BEAN1: variants seen among roughly 807,000 people sequenced by gnomAD.
The protein encoded by BEAN1 is protein BEAN1.
BEAN1 carries 17 observed loss-of-function variants against 17.7 expected under a neutral mutation model. The observed-to-expected ratio is 0.96, with a 90% CI of 0.66 to 1.44. The LOEUF (loss-of-function observed/expected upper bound fraction) is 1.44. BEAN1 is among the 40% of genes most tolerant of loss of function. The pLI is 0.00. For missense variants in BEAN1, 359 were observed against 374.1 expected, an observed-to-expected ratio of 0.96 and a Z score of 0.33; for synonymous variants, 142 against 151.8, an observed-to-expected ratio of 0.94 and a Z score of 0.47.
At chr16:66,429,008 C>T (rs1961691218) in intron 1 of BEAN1, among the ~76,000 whole-genome samples, 2 of 152,172 alleles carry the variant, frequency 1.3e-5, no homozygotes, top group South Asian at 4.1e-4. Context: ...CCTCCTTGCC[C>T]TTAGCTGATG....
At chr16:66,493,076 G>T in exon 5 of BEAN1, 1 of 702,968 alleles carries the variant, frequency 1.4e-6, no homozygotes, top group Non-Finnish European at 2.6e-6. Context: ...GTTCTCACTG[G>T]TCCAGGCCAT....
intron 2 of BEAN1, among the ~76,000 whole-genome samples, chr16:66,468,740 T>A (rs1055031246): frequency 1.6e-4 from 25 of 152,206 alleles, no homozygotes; most frequent in Admixed American, 3.3e-4. Flanking sequence ...CGGAGCTGAC[T>A]GTCCACGTGA....
At chr16:66,494,442 G>A (rs139652152), downstream of BEAN1, among the ~76,000 whole-genome samples, 3 of 152,252 alleles carry the variant, frequency 2.0e-5, no homozygotes, top group Non-Finnish European at 4.4e-5. Flanking sequence ...AGTTAGTGAG[G>A]TGAGGTGTGC....
intron 3 of BEAN1, chr16:66,476,188 C>T (rs1266373123): frequency 6.6e-6 from 1 of 151,620 alleles, no homozygotes; most frequent in Non-Finnish European, 1.5e-5. Context: ...GACAGGGCCA[C>T]CATCAACGTG....
intron 2 of BEAN1, among the ~76,000 whole-genome samples, chr16:66,438,789 C>G (rs1279657304): frequency 6.6e-6 from 1 of 152,102 alleles, no homozygotes; most frequent in East Asian, 1.9e-4. Context: ...TGCTTTCTTC[C>G]ATGATGTTCC....
chr16:66,457,042 G>C (rs1962895452), intron 2 of BEAN1, among the ~76,000 whole-genome samples: 1 of 152,244 alleles, frequency 6.6e-6, no homozygotes, highest in African/African-American at 2.4e-5. Context: ...TAAACAGATG[G>C]AAGCAGAGGT....
At chr16:66,491,088 G>C (rs999979650) in intron 4 of BEAN1, among the ~76,000 whole-genome samples, 1 of 152,186 alleles carries the variant, frequency 6.6e-6, no homozygotes, top group Non-Finnish European at 1.5e-5. Context: ...CTCTGGGTGA[G>C]ACCCTCCTGG....
At chr16:66,431,074 A>G (rs1961778278) in intron 1 of BEAN1, among the ~76,000 whole-genome samples, 1 of 152,258 alleles carries the variant, frequency 6.6e-6, no homozygotes, top group African/African-American at 2.4e-5. Context: ...TAGTATTATA[A>G]TAAAGCTTAT....
chr16:66,488,179 A>C (rs1964114688), intron 4 of BEAN1, among the ~76,000 whole-genome samples: 1 of 151,106 alleles, frequency 6.6e-6, no homozygotes, highest in Admixed American at 6.6e-5. Flanking sequence ...GAATGAATGT[A>C]GTTAGTAAGC....
chr16:66,482,990 G>A (rs1327672582), downstream of BEAN1: 2 of 435,744 alleles, frequency 4.6e-6, no homozygotes, highest in Non-Finnish European at 9.1e-6. Flanking sequence ...CTAAGCAGCT[G>A]GGACTACAGG....
intron 4 of BEAN1, among the ~76,000 whole-genome samples, chr16:66,491,721 A>T (rs1029694343): frequency 6.6e-6 from 1 of 152,162 alleles, no homozygotes; most frequent in Non-Finnish European, 1.5e-5. Context: ...GATTTTCATA[A>T]GGAGCACGCA....
At chr16:66,470,769 T>C (rs1448914273) in intron 3 of BEAN1, among the ~76,000 whole-genome samples, 2 of 152,212 alleles carry the variant, frequency 1.3e-5, no homozygotes, top group Non-Finnish European at 2.9e-5. Context: ...CCTGACTGTG[T>C]CACTCCTGGA....
At chr16:66,488,071 C>T (rs1432993352) in intron 4 of BEAN1, among the ~76,000 whole-genome samples, 1 of 152,164 alleles carries the variant, frequency 6.6e-6, no homozygotes, top group African/African-American at 2.4e-5. Flanking sequence ...AGCGTTCTCA[C>T]CCTCACTGTC....
intron 3 of BEAN1, among the ~76,000 whole-genome samples, chr16:66,474,067 G>A (rs1963595591): frequency 6.6e-6 from 1 of 152,120 alleles, no homozygotes. Context: ...AGCCCCACAG[G>A]CACCTCAGGC....
At chr16:66,451,579 A>T (rs6499088) in intron 2 of BEAN1, among the ~76,000 whole-genome samples, 98,418 of 152,080 alleles carry the variant, frequency 0.65, 32,107 homozygotes, top group African/African-American at 0.69. Context: ...TTTAGTTCTG[A>T]GTCTAGGGAA....
In BEAN1 at chr16:66,473,721, T is replaced by TAATA. The variant is rs985792827; in HGVS notation, c.290-3833_290-3830dup. Among the ~76,000 whole-genome samples the TAATA allele has an allele frequency of 8.0e-5, 12 of 150,462 alleles. No homozygotes were observed. The highest frequency in any genetic ancestry group is 2.1e-4 in the South Asian group (1 of 4,780). ...CTAAATAAATAAATAAATAAATAAATAATAAATAATAAATAAAGAGGGAGG... is the reference window on the plus strand; with the variant it reads ...CTAAATAAATAAATAAATAAATAAATAATAAATAAATAATAAATAAAGAGGGAGG... On this transcript the variant is annotated intron_variant, in intron 3 of 4. Coordinates refer to ENST00000536005, the MANE Select transcript of BEAN1 (RefSeq NM_001178020.3). The surrounding 1 kb of genome is among the most constrained non-coding windows in gnomAD (Gnocchi z 4.5).
rs78086917 is a variant in BEAN1, at chr16:66,462,806, A to C, written c.26-6796A>C. On this transcript the variant is annotated intron_variant, in intron 2 of 4. Coordinates refer to ENST00000536005, the MANE Select transcript of BEAN1 (RefSeq NM_001178020.3). ...ACAAAAGCAAAACTGTCTCAAAAAA[A>C]AAAAAGTCAGGACAGATGGGATATC... Among the ~76,000 whole-genome samples, 8 of 152,340 alleles carry C rather than the reference A, an allele frequency of 5.3e-5. No homozygotes were observed. In the East Asian group the frequency reaches 1.5e-3, roughly 29 times the overall value.
intron 4 of BEAN1, chr16:66,492,902 CCT>C: frequency 1.5e-6 from 1 of 653,628 alleles, no homozygotes; most frequent in Non-Finnish European, 2.8e-6. Flanking sequence ...TGGCCTGGCC[CCT>C]CTCAGCCACT....
intron 1 of BEAN1, among the ~76,000 whole-genome samples, chr16:66,436,965 G>T (rs927366412): frequency 9.2e-5 from 14 of 152,144 alleles, no homozygotes; most frequent in Admixed American, 2.0e-4. Flanking sequence ...GGGCTCTGGA[G>T]TCAAACTGAT....
Sources: gnomAD v4.1 joint callset for allele counts (sites outside exome capture counted in the v4.1 genomes callset) on GRCh38, gnomAD v4.1.1 for gene constraint, Gnocchi (gnomAD v3.1) non-coding constraint, MANE v1.5 for transcripts, NCBI Gene and HGNC (gene_info 2026-07-23, HGNC 2026-07-21) for gene names.